The following DAB1 variants were observed in gnomAD, a reference collection of about 807,000 sequenced individuals.
DAB1 encodes DAB adaptor protein 1, also known as disabled homolog 1.
In DAB1, 15 loss-of-function variants were observed where a neutral mutation model predicts 64.6. That is an observed-to-expected ratio of 0.23 (90% CI 0.16 to 0.36). DAB1 has a LOEUF of 0.36. DAB1 is among the 10% of genes least tolerant of loss of function. The probability of loss-of-function intolerance (pLI) is 1.00; values close to 1 mark genes in which losing one functional copy is unlikely to be tolerated. For missense variants in DAB1, 596 were observed against 706.7 expected (o/e 0.84, Z 1.78); for synonymous variants, 235 against 251.9 (o/e 0.93, Z 0.64).
chr1:58,130,806 A>G (rs1653501601), intron 5 of DAB1, among the ~76,000 whole-genome samples: 2 of 152,160 alleles, frequency 1.3e-5, no homozygotes, highest in African/African-American at 4.8e-5. Context: ...TCTGGCTTAT[A>G]GGGTTTCTGC....
chr1:58,364,816 CT>C (rs1644200711), intron 3 of DAB1, among the ~76,000 whole-genome samples: 1 of 152,200 alleles, frequency 6.6e-6, no homozygotes, highest in South Asian at 2.1e-4. Context: ...TTTACAATTT[CT>C]TTTTTCCCTA....
In DAB1 at chr1:58,110,787, T is replaced by G. The variant is rs1459688826; in HGVS notation, n.387+39724A>C. ...ATATAAAATCTTTCTGGTTTGTTTT[T>G]GCTGAGTCTAGACTTCATGTTAGTT... On this transcript the variant is annotated intron_variant and non_coding_transcript_variant, in intron 5 of 20. Transcript: ENST00000485760. 2.0e-5 allele frequency among the ~76,000 whole-genome samples: 3 copies of G among 152,266 alleles called. No individual in the cohort carries two copies. In the East Asian group the frequency reaches 5.8e-4, roughly 29 times the overall value.
At chr1:57,837,553 C>A (rs1296649453) in intron 1 of DAB1, among the ~76,000 whole-genome samples, 1 of 152,100 alleles carries the variant, frequency 6.6e-6, no homozygotes, top group African/African-American at 2.4e-5. Flanking sequence ...TAGACCACAT[C>A]ACTTCCCTGC....
chr1:58,405,384 T>G (rs1054095967), intron 3 of DAB1, among the ~76,000 whole-genome samples: 4 of 150,122 alleles, frequency 2.7e-5, no homozygotes, highest in African/African-American at 9.7e-5. Flanking sequence ...TTTGTTTAAT[T>G]TTTTTTTTTG....
At chr1:58,512,524 T>A (rs530548303) in intron 2 of DAB1, among the ~76,000 whole-genome samples, 1 of 152,250 alleles carries the variant, frequency 6.6e-6, no homozygotes, top group South Asian at 2.1e-4. Flanking sequence ...ATGAACAGAT[T>A]AAGAAAATGT....
chr1:57,539,833 C>A (rs1644779785), intron 7 of DAB1, among the ~76,000 whole-genome samples: 1 of 152,172 alleles, frequency 6.6e-6, no homozygotes, highest in African/African-American at 2.4e-5. Context: ...TTACAGCAAA[C>A]TTGGGCACAT....
rs77840008 is a variant in DAB1 at position 58,459,521 on chromosome 1, G to C, written n.257+46539C>G. Among the ~76,000 whole-genome samples the C allele has an allele frequency of 1.0e-3, 153 of 152,334 alleles. No individual in the cohort carries two copies. In the East Asian group the frequency reaches 0.027, roughly 27 times the overall value. The stretch of plus-strand genomic sequence containing the variant: ...CACAAGGCTCTCCAAGTACTCTTAA[G>C]AATGGCAACTGGCCTTTCCAAGGGC... On this transcript the variant is annotated intron_variant and non_coding_transcript_variant, in intron 3 of 20. Transcript: ENST00000485760.
chr1:58,300,010 T>A (rs746811520), intron 4 of DAB1, among the ~76,000 whole-genome samples: 7 of 152,140 alleles, frequency 4.6e-5, no homozygotes, highest in Non-Finnish European at 8.8e-5. Context: ...CATTTATGGC[T>A]TAGCTCCATG....
At chr1:57,132,061 C>T (rs972046054) in intron 4 of DAB1, among the ~76,000 whole-genome samples, 1 of 152,080 alleles carries the variant, frequency 6.6e-6, no homozygotes, top group African/African-American at 2.4e-5. Context: ...TCTTCCCTTA[C>T]TTAATTATCT....
intron 4 of DAB1, among the ~76,000 whole-genome samples, chr1:58,335,063 C>T (rs773607042): frequency 6.6e-6 from 1 of 152,036 alleles, no homozygotes; most frequent in Non-Finnish European, 1.5e-5. Flanking sequence ...ATAAAGAAAA[C>T]TAAAGCAGGG....
At chr1:57,209,811 G>A (rs197103) in intron 2 of DAB1, among the ~76,000 whole-genome samples, 71,593 of 151,892 alleles carry the variant, frequency 0.47, 17,011 homozygotes, top group Admixed American at 0.52. Context: ...TCTGGTCCCA[G>A]TATTTGTATC....
chr1:58,235,808 A>C (rs1167005442), intron 4 of DAB1, among the ~76,000 whole-genome samples: 1 of 152,178 alleles, frequency 6.6e-6, no homozygotes, highest in Non-Finnish European at 1.5e-5. Context: ...CAGGAGACCC[A>C]GTGACTGCAG....
chr1:57,916,817 C>A (rs866416959), intron 5 of DAB1, among the ~76,000 whole-genome samples: 1 of 152,210 alleles, frequency 6.6e-6, no homozygotes. Flanking sequence ...GTCACGCACG[C>A]CTGTAATCCC....
At chr1:57,756,112 A>G (rs1648792736) in intron 6 of DAB1, among the ~76,000 whole-genome samples, 1 of 152,198 alleles carries the variant, frequency 6.6e-6, no homozygotes, top group Non-Finnish European at 1.5e-5. Flanking sequence ...CACAATGCTC[A>G]CCCGAAAACT....
intron 3 of DAB1, among the ~76,000 whole-genome samples, chr1:58,415,865 T>C (rs1644714664): frequency 6.6e-6 from 1 of 152,190 alleles, no homozygotes; most frequent in African/African-American, 2.4e-5. Context: ...AATGTTGCAT[T>C]TGAGCAAGTC....
At chr1:58,496,655 A>G (rs1250638491) in intron 3 of DAB1, among the ~76,000 whole-genome samples, 1 of 152,136 alleles carries the variant, frequency 6.6e-6, no homozygotes, top group African/African-American at 2.4e-5. Flanking sequence ...CTTTTAAATA[A>G]GATTATCCTC....
At chr1:58,499,174 T>C (rs1469223660) in intron 3 of DAB1, among the ~76,000 whole-genome samples, 1 of 151,432 alleles carries the variant, frequency 6.6e-6, no homozygotes, top group Non-Finnish European at 1.5e-5. Flanking sequence ...ATATGGAATC[T>C]AAAAAAGTCC....
intron 3 of DAB1, among the ~76,000 whole-genome samples, chr1:58,386,600 C>A (rs1338549286): frequency 2.4e-4 from 37 of 152,158 alleles, no homozygotes; most frequent in Admixed American, 2.4e-3. Flanking sequence ...GGTCTTACTA[C>A]TTTCTAGTTC....
At chr1:57,905,036 A>T (rs1480416090) in intron 5 of DAB1, among the ~76,000 whole-genome samples, 2 of 152,138 alleles carry the variant, frequency 1.3e-5, no homozygotes, top group African/African-American at 2.4e-5. Flanking sequence ...TATACTAGGC[A>T]TTGCTGTAAG....
Sources: allele counts gnomAD v4.1 joint callset (sites outside exome capture counted in the v4.1 genomes callset), GRCh38; gene constraint gnomAD v4.1.1; transcripts MANE v1.5; gene names NCBI Gene and HGNC (gene_info 2026-07-23, HGNC 2026-07-21).